The following NUDCD1 variants were observed in gnomAD, a reference collection of about 807,000 sequenced individuals.
NUDCD1 encodes NudC domain containing 1.
In NUDCD1, 60 loss-of-function variants were observed where a neutral mutation model predicts 67.8. That is an observed-to-expected ratio of 0.88 (90% CI 0.72 to 1.10). The LOEUF is 1.10. NUDCD1 is among the 50% of genes least tolerant of loss of function. The pLI, the probability that NUDCD1 is intolerant of heterozygous loss-of-function variation, is 0.00. For synonymous variants in NUDCD1, 244 were observed against 230.8 expected, an observed-to-expected ratio of 1.06 and a Z score of -0.52; for missense variants, 643 against 695.0, an observed-to-expected ratio of 0.93 and a Z score of 0.84.
intron 5 of NUDCD1, among the ~76,000 whole-genome samples, chr8:109,289,051 C>T (rs558978085): frequency 4.6e-5 from 7 of 151,826 alleles, no homozygotes; most frequent in African/African-American, 1.7e-4. Context: ...TCCTGGCTCA[C>T]AACAACCTCT....
intron 8 of NUDCD1, among the ~76,000 whole-genome samples, chr8:109,254,346 G>C (rs145319162): frequency 1.5e-4 from 23 of 152,248 alleles, no homozygotes; most frequent in African/African-American, 3.6e-4. Context: ...CTTTATGTAA[G>C]ATGTTGGGCA....
At chr8:109,243,800 A>C (rs1813432155) in intron 9 of NUDCD1, among the ~76,000 whole-genome samples, 1 of 152,104 alleles carries the variant, frequency 6.6e-6, no homozygotes, top group Non-Finnish European at 1.5e-5. Flanking sequence ...TTCGTGATGC[A>C]TTCTCTTATT....
At chr8:109,311,572 T>TATATATATATATATATA (rs1554617143) in intron 2 of NUDCD1, among the ~76,000 whole-genome samples, 3 of 145,372 alleles carry the variant, frequency 2.1e-5, no homozygotes, top group Non-Finnish European at 3.0e-5. Flanking sequence ...TATATATATA[T>TATATATATATATATATA]GATGGGATAC....
chr8:109,299,965 G>A (rs1212095408), intron 2 of NUDCD1, among the ~76,000 whole-genome samples: 1 of 152,128 alleles, frequency 6.6e-6, no homozygotes, highest in Non-Finnish European at 1.5e-5. Context: ...CCTGGAGCCT[G>A]GTAGACTTGC....
chr8:109,262,845 T>C (rs1038670612), intron 8 of NUDCD1, among the ~76,000 whole-genome samples: 1 of 151,784 alleles, frequency 6.6e-6, no homozygotes, highest in African/African-American at 2.4e-5. Flanking sequence ...AACGAGGTCA[T>C]GAGTTTGGGA....
chr8:109,331,337 A>C (rs1023316899), intron 1 of NUDCD1, among the ~76,000 whole-genome samples: 1 of 151,372 alleles, frequency 6.6e-6, no homozygotes, highest in Non-Finnish European at 1.5e-5. Flanking sequence ...CTCAAAAAAC[A>C]AAACAAAAAC....
At chr8:109,261,485 G>T (rs550708976) in intron 8 of NUDCD1, among the ~76,000 whole-genome samples, 46 of 152,232 alleles carry the variant, frequency 3.0e-4, no homozygotes, top group African/African-American at 1.1e-3. Flanking sequence ...TCCAGATTAT[G>T]ATTCCATTCA....
chr8:109,273,151 C>T (rs1045278418), intron 7 of NUDCD1, among the ~76,000 whole-genome samples: 15 of 152,022 alleles, frequency 9.9e-5, no homozygotes, highest in African/African-American at 3.1e-4. Context: ...AAAAGACAAG[C>T]GGAAAGCAGC....
In NUDCD1 at chr8:109,271,044, T is replaced by A; in HGVS notation, c.1260A>T (p.Leu420Phe). 1 of 1,597,430 alleles carries A rather than the reference T, an allele frequency of 6.3e-7. No individual in the cohort carries two copies. Among genetic ancestry groups the A allele is most frequent in the Non-Finnish European group, 8.6e-7 (1 of 1,167,844 alleles). The change falls in exon 8 of 10, where the codon TTA (leucine) becomes TTT (phenylalanine). Residue 420 changes from leucine (L) to phenylalanine (F), a missense_variant. Transcript: ENST00000239690. ...TTAATGTATTGCCATCAAATCTGCA[T>A]AAACTGGAGCTCTCTTCAAAGAAAA... ...CDIFFEESSSLCRFDGNTLKT... is the reference protein window; with the variant it reads ...CDIFFEESSSFCRFDGNTLKT...
rs1360251688 is a variant in NUDCD1 at position 109,241,954 on chromosome 8, T to C, written c.*1055A>G. The C allele has an allele frequency of 7.6e-6, 3 of 396,308 alleles. No individual in the cohort carries two copies. The highest frequency in any genetic ancestry group is 1.3e-5 in the Non-Finnish European group (3 of 224,630). The allele number at this position is 396,308 out of a possible 1,614,324, so 24.5% of individuals were successfully genotyped here. On this transcript the variant is annotated 3_prime_UTR_variant, in exon 10 of 10. Transcript: ENST00000239690. ...ACATACTAAAACAAACCTGGAAAGG[T>C]AAGTTTGAAAAAACAAAATTTGTGG... is the stretch of plus-strand genomic sequence containing the variant.
At chr8:109,274,266 A>G (rs757382175) in intron 7 of NUDCD1, among the ~76,000 whole-genome samples, 1 of 152,162 alleles carries the variant, frequency 6.6e-6, no homozygotes, top group Non-Finnish European at 1.5e-5. Flanking sequence ...GAGATTGTAT[A>G]TTTGTCTTCT....
Position 109,334,068 on chromosome 8 carries a change from T to A in NUDCD1, c.-58A>T. The A allele has an allele frequency of 6.2e-7, 1 of 1,608,830 alleles. No homozygotes were observed. The highest frequency in any genetic ancestry group is 8.5e-7 in the Non-Finnish European group (1 of 1,176,918). On this transcript the variant is annotated 5_prime_UTR_variant, in exon 1 of 10. Transcript: ENST00000239690. ...AAGCCCTTGTTGAAAGGTCCGCGCT[T>A]CACGCCTCGCACAGAGACTGGGAAG...
In NUDCD1 at chr8:109,242,102, T is replaced by A. The variant is rs1813380074; in HGVS notation, c.*907A>T. On this transcript the variant is annotated 3_prime_UTR_variant, in exon 10 of 10. Transcript: ENST00000239690. ...AGATTGTTCCATCAATGGCCCCCAA[T>A]GAGTCATACCATCCGCTGTCAGCTT... 1 of 398,198 alleles carries A rather than the reference T, an allele frequency of 2.5e-6. No individual in the cohort carries two copies. The highest frequency in any genetic ancestry group is 4.4e-5 in the Admixed American group (1 of 22,718). The allele number at this position is 398,198 out of a possible 1,614,324, so 24.7% of individuals were successfully genotyped here.
At chr8:109,298,447 G>C (rs570513055) in intron 2 of NUDCD1, among the ~76,000 whole-genome samples, 18 of 152,284 alleles carry the variant, frequency 1.2e-4, no homozygotes, top group African/African-American at 4.1e-4. Context: ...TGGGACACCA[G>C]AGAACTTCTG....
At chr8:109,258,481 G>A (rs765585583) in intron 8 of NUDCD1, among the ~76,000 whole-genome samples, 3 of 151,702 alleles carry the variant, frequency 2.0e-5, no homozygotes, top group Non-Finnish European at 2.9e-5. Context: ...AGTGTGTGAG[G>A]GGCAGTCTCC....
chr8:109,319,784 T>C (rs920889089), intron 2 of NUDCD1, among the ~76,000 whole-genome samples: 3 of 152,200 alleles, frequency 2.0e-5, no homozygotes, highest in Non-Finnish European at 2.9e-5. Flanking sequence ...TTTAAGAATA[T>C]ATATCATTTC....
At chr8:109,329,955 A>C in intron 1 of NUDCD1, 1 of 1,449,004 alleles carries the variant, frequency 6.9e-7, no homozygotes, top group Non-Finnish European at 9.1e-7. Flanking sequence ...GCAACGCATA[A>C]TACAGATTCT....
chr8:109,257,054 G>A (rs1473335107), intron 8 of NUDCD1, among the ~76,000 whole-genome samples: 4 of 151,714 alleles, frequency 2.6e-5, no homozygotes, highest in East Asian at 1.9e-4. Flanking sequence ...CATATTTAAT[G>A]GTAAACCACT....
chr8:109,303,421 C>T (rs1303190804), intron 2 of NUDCD1, among the ~76,000 whole-genome samples: 1 of 152,190 alleles, frequency 6.6e-6, no homozygotes, highest in African/African-American at 2.4e-5. Context: ...TTTCAAGGTC[C>T]TGTTTCCCTT....
Sources: gnomAD v4.1 joint callset for allele counts (sites outside exome capture counted in the v4.1 genomes callset) on GRCh38, gnomAD v4.1.1 for gene constraint, MANE v1.5 for transcripts, NCBI Gene and HGNC (gene_info 2026-07-23, HGNC 2026-07-21) for gene names.